NBAS: variants seen among roughly 807,000 people sequenced by gnomAD.
NBAS encodes NBAS subunit of NRZ tethering complex.
NBAS carries 219 observed loss-of-function variants against 302.5 expected under a neutral mutation model. The ratio of observed to expected loss-of-function variants is 0.72; its 90% CI spans 0.65 to 0.81. The LOEUF (loss-of-function observed/expected upper bound fraction) is 0.81. Ranked by LOEUF, NBAS falls within the 30% of genes least tolerant of loss-of-function variation. The pLI, the probability that NBAS is intolerant of heterozygous loss-of-function variation, is 0.00. For missense variants in NBAS, 2,932 were observed against 2,841.6 expected, an observed-to-expected ratio of 1.03 and a Z score of -0.72; for synonymous variants, 1,118 against 1,021.6, an observed-to-expected ratio of 1.09 and a Z score of -1.80.
chr2:15,091,879 G>A, the NBAS span, among the ~76,000 whole-genome samples: 3 of 152,150 alleles, frequency 2.0e-5, no homozygotes, highest in African/African-American at 7.2e-5. Flanking sequence ...CAGCTTACTT[G>A]CTGTAAGGAT....
chr2:15,028,023 G>A, the NBAS span, among the ~76,000 whole-genome samples: 1 of 151,846 alleles, frequency 6.6e-6, no homozygotes, highest in Non-Finnish European at 1.5e-5. Context: ...TACATCGCTG[G>A]GACTTATTGA....
intron 44 of NBAS, among the ~76,000 whole-genome samples, chr2:15,263,239 C>T (rs1168017200): frequency 6.6e-6 from 1 of 152,164 alleles, no homozygotes; most frequent in Non-Finnish European, 1.5e-5. Flanking sequence ...CTCCTGGGCT[C>T]AAGAGATCCT....
At position 15,433,908 on chromosome 2, in the gene NBAS, C is replaced by T. The variant is rs139908730; in HGVS notation, c.2340-6114G>A. ...GAGCCCAGGAGTTTGAGACCAGCCC[C>T]GGCAACAGAGCAAGACCTCATCTCT... On this transcript the variant is annotated intron_variant, in intron 21 of 51. Coordinates refer to ENST00000281513, the MANE Select transcript of NBAS (RefSeq NM_015909.4). Among the ~76,000 whole-genome samples, 1,019 of 151,026 alleles carry T rather than the reference C, an allele frequency of 6.7e-3. 12 individuals carry two copies. Among genetic ancestry groups the T allele is most frequent in the African/African-American group, 0.022 (920 of 41,102 alleles).
chr2:15,196,566 T>G (rs534055828), intron 48 of NBAS, among the ~76,000 whole-genome samples: 29 of 152,194 alleles, frequency 1.9e-4, no homozygotes, highest in Non-Finnish European at 3.8e-4. Context: ...AGGAAAATGC[T>G]TATACAAACA....
At chr2:15,430,269 A>G (rs1410001549) in intron 21 of NBAS, among the ~76,000 whole-genome samples, 3 of 152,216 alleles carry the variant, frequency 2.0e-5, no homozygotes, top group Non-Finnish European at 4.4e-5. Context: ...TATATAATAT[A>G]CATATTTTTT....
chr2:15,206,291 C>T (rs1239237042), intron 48 of NBAS, among the ~76,000 whole-genome samples: 2 of 152,046 alleles, frequency 1.3e-5, no homozygotes. Flanking sequence ...CAGTAAGTGT[C>T]CAAGATGTGA....
chr2:15,132,799 A>C, the NBAS span, among the ~76,000 whole-genome samples: 1 of 151,902 alleles, frequency 6.6e-6, no homozygotes, highest in East Asian at 1.9e-4. Context: ...TAATGATTAG[A>C]GCTTCTTTTT....
chr2:15,026,609 C>T, the NBAS span, among the ~76,000 whole-genome samples: 1 of 151,948 alleles, frequency 6.6e-6, no homozygotes, highest in Admixed American at 6.6e-5. Context: ...AGGGATAAAA[C>T]CTACTTGATC....
At position 15,276,803 on chromosome 2, in the gene NBAS, A is replaced by G. The variant is rs1215418974; in HGVS notation, c.5389+48T>C. The G allele has an allele frequency of 2.5e-6, 4 of 1,613,012 alleles. No individual in the cohort carries two copies. The Admixed American group carries it at 6.7e-5, about 27-fold the overall frequency. On this transcript the variant is annotated intron_variant, in intron 43 of 51. Coordinates refer to ENST00000281513, the MANE Select transcript of NBAS (RefSeq NM_015909.4). The stretch of plus-strand genomic sequence containing the variant: ...GATTGTGTACAGAAAATTAATCCCC[A>G]GATTTAATTGAAAAGAATGAATTCA...
At position 15,394,263 on chromosome 2, in the gene NBAS, T is replaced by C. The variant is rs1425997278; in HGVS notation, c.3221A>G (p.Lys1074Arg). 1 of 1,612,444 alleles carries C rather than the reference T, an allele frequency of 6.2e-7. No homozygotes were observed. Among genetic ancestry groups the C allele is most frequent in the East Asian group, 2.2e-5 (1 of 44,756 alleles). The change falls in exon 28 of 52, where the codon AAG becomes AGG. Residue 1074 changes from lysine to arginine, a missense_variant. Lys to Arg is a conservative substitution (Grantham distance 26). Coordinates refer to ENST00000281513, the MANE Select transcript of NBAS (RefSeq NM_015909.4). ...NTQSSSEEAR[K>R]LMVRLTRHTG... ...GTGCCTCGTCAATCTAACCATCAGC[T>C]TGCGTGCCTCTTCTGAGCTAGATTG...
chr2:15,275,186 A>G (rs1669516031), intron 44 of NBAS, among the ~76,000 whole-genome samples: 1 of 152,170 alleles, frequency 6.6e-6, no homozygotes, highest in Non-Finnish European at 1.5e-5. Flanking sequence ...ACATTTGTCA[A>G]CTGGAAAGAA....
At chr2:15,544,473 G>T (rs1168429349) in intron 6 of NBAS, among the ~76,000 whole-genome samples, 1 of 152,008 alleles carries the variant, frequency 6.6e-6, no homozygotes, top group Non-Finnish European at 1.5e-5. Context: ...AAATCAATTG[G>T]ATAAAAACAA....
chr2:14,793,271 A>C, the NBAS span, among the ~76,000 whole-genome samples: 1 of 152,214 alleles, frequency 6.6e-6, no homozygotes, highest in Admixed American at 6.5e-5. Flanking sequence ...TTATGGCAGC[A>C]TGAGTTGATT....
chr2:14,920,228 G>A, the NBAS span, among the ~76,000 whole-genome samples: 191 of 152,264 alleles, frequency 1.3e-3, no homozygotes, highest in African/African-American at 3.4e-3. Flanking sequence ...CATTGTCAAT[G>A]AGCAGTAATA....
chr2:14,900,928 A>C, the NBAS span, among the ~76,000 whole-genome samples: 1 of 152,238 alleles, frequency 6.6e-6, no homozygotes, highest in African/African-American at 2.4e-5. Context: ...TTGAACCTGA[A>C]TATCTATGCC....
the NBAS span, among the ~76,000 whole-genome samples, chr2:14,893,513 T>A: frequency 2.0e-5 from 3 of 152,246 alleles, no homozygotes; most frequent in African/African-American, 7.2e-5. Flanking sequence ...CACTCTTAAC[T>A]GTATCTCAAT....
chr2:15,107,492 A>G, the NBAS span, among the ~76,000 whole-genome samples: 142 of 152,218 alleles, frequency 9.3e-4, 4 homozygotes, highest in East Asian at 0.019. Context: ...AGAGGATACT[A>G]AAAGGTAACA....
intron 44 of NBAS, among the ~76,000 whole-genome samples, chr2:15,266,134 TTC>T (rs1306555899): frequency 6.6e-6 from 1 of 152,180 alleles, no homozygotes; most frequent in African/African-American, 2.4e-5. Context: ...TGGGCACTCA[TTC>T]TCTTTCCTGC....
intron 35 of NBAS, among the ~76,000 whole-genome samples, chr2:15,343,096 AC>A (rs1251812592): frequency 6.6e-6 from 1 of 152,106 alleles, no homozygotes; most frequent in African/African-American, 2.4e-5. Context: ...TCAAAAGCAT[AC>A]CCTGCAAAGA....
Sources: gnomAD v4.1 joint callset for allele counts (sites outside exome capture counted in the v4.1 genomes callset) on GRCh38, gnomAD v4.1.1 for gene constraint, MANE v1.5 for transcripts, NCBI Gene and HGNC (gene_info 2026-07-23, HGNC 2026-07-21) for gene names.